SLC14A2: variants seen among roughly 807,000 people sequenced by gnomAD.
SLC14A2 encodes the protein urea transporter 2.
In SLC14A2, 91 loss-of-function variants were observed where a neutral mutation model predicts 104.6. The ratio of observed to expected loss-of-function variants is 0.87; its 90% CI spans 0.73 to 1.04. The LOEUF (loss-of-function observed/expected upper bound fraction) is 1.04, where lower values mean the gene tolerates loss of function less well. SLC14A2 is among the 50% of genes least tolerant of loss of function. The probability of loss-of-function intolerance (pLI) is 0.00; values close to 1 mark genes in which losing one functional copy is unlikely to be tolerated. For synonymous variants in SLC14A2, 476 were observed against 466.4 expected (o/e 1.02, Z -0.27); for missense variants, 1,189 against 1,156.0 (o/e 1.03, Z -0.41).
intron 1 of SLC14A2, among the ~76,000 whole-genome samples, chr18:45,379,625 T>A (rs1382278928): frequency 1.3e-5 from 2 of 152,220 alleles, no homozygotes; most frequent in African/African-American, 2.4e-5. Flanking sequence ...CTTTCTACAG[T>A]GTGAATGAAC....
chr18:45,571,591 C>T (rs1549047), intron 2 of SLC14A2, among the ~76,000 whole-genome samples: 131,234 of 152,306 alleles, frequency 0.86, 57,320 homozygotes, highest in Middle Eastern at 0.94. Context: ...GGTCCTAGTC[C>T]GTAGCTCCTG....
chr18:45,321,143 G>A (rs1009302955), intron 1 of SLC14A2, among the ~76,000 whole-genome samples: 6 of 152,114 alleles, frequency 3.9e-5, no homozygotes, highest in Non-Finnish European at 7.3e-5. Context: ...CCAATCATCT[G>A]GATCCATGTT....
chr18:45,385,055 T>C (rs1324411130), intron 1 of SLC14A2, among the ~76,000 whole-genome samples: 2 of 152,170 alleles, frequency 1.3e-5, no homozygotes, highest in African/African-American at 2.4e-5. Flanking sequence ...ATATTGTAAT[T>C]GTCCTCCTCA....
intron 2 of SLC14A2, among the ~76,000 whole-genome samples, chr18:45,537,349 T>C (rs193043164): frequency 6.6e-6 from 1 of 152,218 alleles, no homozygotes; most frequent in East Asian, 1.9e-4. Context: ...CTGGGAGTTC[T>C]GGGGGTTGAG....
chr18:45,192,841 A>G, the SLC14A2 span, among the ~76,000 whole-genome samples: 1 of 151,918 alleles, frequency 6.6e-6, no homozygotes, highest in African/African-American at 2.4e-5. Context: ...TATTTTTAGT[A>G]GAGACGGGGT....
chr18:45,500,593 A>AAAG lies in SLC14A2; in HGVS notation c.-35+17273_-35+17274insGAA, dbSNP rs1555697412. ...CTCCGTCTCAAAAAAAAAAAAAAAAAAAAGAAATCCTGCCCTTATCCTGAC... is the reference window on the plus strand; with the variant it reads ...CTCCGTCTCAAAAAAAAAAAAAAAAAAAGAAAGAAATCCTGCCCTTATCCTGAC... On this transcript the variant is annotated intron_variant, in intron 2 of 20. Transcript: ENST00000586448. Among the ~76,000 whole-genome samples, 36 of 145,424 alleles carry AAAG rather than the reference A, an allele frequency of 2.5e-4. 3 individuals carry two copies. Among genetic ancestry groups the AAAG allele is most frequent in the Non-Finnish European group, 3.3e-4 (22 of 66,630 alleles).
At chr18:45,183,842 C>T in the SLC14A2 span, among the ~76,000 whole-genome samples, 1 of 151,460 alleles carries the variant, frequency 6.6e-6, no homozygotes, top group African/African-American at 2.4e-5. Context: ...CCAAGCTATC[C>T]ACCTCTCAGC....
chr18:45,389,100 AC>A (rs2085933040), intron 1 of SLC14A2, among the ~76,000 whole-genome samples: 1 of 152,220 alleles, frequency 6.6e-6, no homozygotes, highest in African/African-American at 2.4e-5. Flanking sequence ...AATGTATGAC[AC>A]CTGTGCAAGC....
chr18:45,501,177 A>G (rs1286554802), intron 2 of SLC14A2, among the ~76,000 whole-genome samples: 3 of 152,244 alleles, frequency 2.0e-5, no homozygotes, highest in African/African-American at 7.2e-5. Flanking sequence ...CACAGAGAAT[A>G]ATGAACAGAG....
rs530195068 is a variant in SLC14A2, at chr18:45,620,173, A to T, written c.-34-4458A>T. ...GAGGTGCAAGGCCCTGTTCCTGCAG[A>T]GGATACATAGGATTGAGAAACACAA... On this transcript the variant is annotated intron_variant, in intron 1 of 19. Transcript: ENST00000255226. Among the ~76,000 whole-genome samples the T allele has an allele frequency of 1.0e-3, 152 of 152,284 alleles. 2 individuals are homozygous for T. The highest frequency in any genetic ancestry group is 3.3e-3 in the African/African-American group (139 of 41,566).
Position 45,622,626 on chromosome 18 carries a change from G to C in SLC14A2, c.-34-2005G>C, listed in dbSNP as rs542072362. ...AGAAGAGGGCCCGGAACAGGGGTCT[G>C]CAAAATGCTCCTGTTACACGAAGAA... On this transcript the variant is annotated intron_variant, in intron 1 of 19. Coordinates refer to ENST00000255226, the MANE Select transcript of SLC14A2 (RefSeq NM_007163.4). 2.9e-3 allele frequency among the ~76,000 whole-genome samples: 438 copies of C among 152,284 alleles called. 1 individual carries two copies. The highest frequency in any genetic ancestry group is 0.01 in the African/African-American group (421 of 41,552).
In SLC14A2 at chr18:45,682,384, C is replaced by T. The variant is rs556254338; in HGVS notation, c.2628C>T (p.Thr876=). 2 of 1,614,124 alleles carry T rather than the reference C, an allele frequency of 1.2e-6. No individual in the cohort carries two copies. The highest frequency in any genetic ancestry group is 2.7e-5 in the African/African-American group (2 of 75,028). ...CTCTCACCTTCCTGCTCCTGACGACCAATAACCCCGCCATCTACAAGCTCC... is the reference window on the plus strand; with the variant it reads ...CTCTCACCTTCCTGCTCCTGACGACTAATAACCCCGCCATCTACAAGCTCC... ...LSALTFLLLT[T]NNPAIYKLPL... is the part of the protein sequence containing the mutation. Residue 876 remains threonine (T), a synonymous_variant, in exon 20 of 20, where the codon ACC becomes ACT. Transcript: ENST00000255226.
Position 45,628,313 on chromosome 18 carries a change from G to T in SLC14A2, c.521+1166G>T, listed in dbSNP as rs541848048. ...ACAAAAGTTAGCTGGGCGTGGTGGC[G>T]CTTGCCTGTTGTCCCAGCTACTTGG... On this transcript the variant is annotated intron_variant, in intron 4 of 19. Transcript: ENST00000255226. Among the ~76,000 whole-genome samples, 3 of 151,896 alleles carry T rather than the reference G, an allele frequency of 2.0e-5. No individual in the cohort carries two copies. In the East Asian group the frequency reaches 5.8e-4, roughly 29 times the overall value.
Position 45,471,830 on chromosome 18 carries a change from A to T in SLC14A2, c.-124-11403A>T, listed in dbSNP as rs181969997. On this transcript the variant is annotated intron_variant, in intron 1 of 20. Transcript: ENST00000586448. ...TCTTGATATTTTATTTTATATAATG[A>T]TTTGTTTCATTGAGGCTTGTTGTTT... 2.6e-3 allele frequency among the ~76,000 whole-genome samples: 395 copies of T among 151,564 alleles called. 1 individual carries two copies. The highest frequency in any genetic ancestry group is 4.2e-3 in the Non-Finnish European group (285 of 67,882).
At chr18:45,557,151 G>A (rs1004351182) in intron 2 of SLC14A2, among the ~76,000 whole-genome samples, 4 of 152,230 alleles carry the variant, frequency 2.6e-5, no homozygotes, top group African/African-American at 7.2e-5. Flanking sequence ...TAGTTTTGCT[G>A]CCATGGAAGC....
At chr18:45,517,141 A>G (rs918100407) in intron 2 of SLC14A2, among the ~76,000 whole-genome samples, 7 of 152,306 alleles carry the variant, frequency 4.6e-5, no homozygotes, top group African/African-American at 1.7e-4. Flanking sequence ...CAGAGGGCTC[A>G]GGGCCCACCT....
At chr18:45,525,668 G>C (rs1023046651) in intron 2 of SLC14A2, among the ~76,000 whole-genome samples, 1 of 152,184 alleles carries the variant, frequency 6.6e-6, no homozygotes, top group Non-Finnish European at 1.5e-5. Flanking sequence ...ATTAGCATTT[G>C]GTAGATCTGC....
chr18:45,242,857 A>G (rs2084331580), intron 1 of SLC14A2, among the ~76,000 whole-genome samples: 1 of 152,214 alleles, frequency 6.6e-6, no homozygotes. Context: ...GCAGGGAAGC[A>G]TGGGGTGGTG....
intron 2 of SLC14A2, among the ~76,000 whole-genome samples, chr18:45,523,432 C>T (rs908672613): frequency 2.0e-5 from 3 of 151,340 alleles, no homozygotes; most frequent in East Asian, 3.9e-4. Flanking sequence ...CTAGCTCAAG[C>T]GATTCTCCTG....
Sources: gnomAD v4.1 joint callset for allele counts (sites outside exome capture counted in the v4.1 genomes callset) on GRCh38, gnomAD v4.1.1 for gene constraint, MANE v1.5 for transcripts, NCBI Gene and HGNC (gene_info 2026-07-23, HGNC 2026-07-21) for gene names.